The following BTBD9 variants were observed in gnomAD, a reference collection of about 807,000 sequenced individuals.
BTBD9 encodes BTB/POZ domain-containing protein 9.
In BTBD9, 49 loss-of-function variants were observed where a neutral mutation model predicts 64.3. That is an observed-to-expected ratio of 0.76 (90% CI 0.61 to 0.97). The LOEUF is 0.97. Among genes scored for constraint, BTBD9 ranks in the 50% least tolerant of loss-of-function variants. BTBD9 has a pLI of 0.00. For synonymous variants in BTBD9, 260 were observed against 274.7 expected (o/e 0.95, Z 0.53); for missense variants, 598 against 762.1 (o/e 0.78, Z 2.53).
At chr6:38,594,992 C>A (rs778537361) in intron 2 of BTBD9, among the ~76,000 whole-genome samples, 9 of 152,154 alleles carry the variant, frequency 5.9e-5, no homozygotes, top group Non-Finnish European at 1.3e-4. Flanking sequence ...GAATGTCCAT[C>A]AGCAGCAACA....
At chr6:38,210,616 G>A (rs1000227362) in intron 9 of BTBD9, among the ~76,000 whole-genome samples, 22 of 151,902 alleles carry the variant, frequency 1.4e-4, no homozygotes, top group Admixed American at 7.2e-4. Context: ...TACAGAAAGA[G>A]GAGACGCCTA....
chr6:38,337,787 T>C (rs1763952097), intron 7 of BTBD9, among the ~76,000 whole-genome samples: 1 of 152,188 alleles, frequency 6.6e-6, no homozygotes, highest in African/African-American at 2.4e-5. Context: ...CCTTCCCTTG[T>C]CCTACACTGG....
intron 6 of BTBD9, among the ~76,000 whole-genome samples, chr6:38,425,959 A>AACAAAAGCAAGCCCAGACCAGAAGCT (rs1768128748): frequency 1.1e-5 from 1 of 89,244 alleles, no homozygotes; most frequent in Non-Finnish European, 2.6e-5. Context: ...CACACACACA[A>AACAAAAGCAAGCCCAGACCAGAAGCT]ACAAAAGCAA....
At chr6:38,395,277 A>T (rs11969412) in intron 6 of BTBD9, among the ~76,000 whole-genome samples, 4,513 of 152,114 alleles carry the variant, frequency 0.03, 227 homozygotes, top group African/African-American at 0.099. Context: ...CAAAAAAAAA[A>T]TTTTTTTAAT....
intron 9 of BTBD9, among the ~76,000 whole-genome samples, chr6:38,208,846 A>C (rs1486975192): frequency 1.3e-5 from 2 of 152,136 alleles, no homozygotes; most frequent in African/African-American, 4.8e-5. Flanking sequence ...CTTAGGAAAA[A>C]TGGGGCCAAG....
At chr6:38,276,637 C>T (rs377234572) in intron 8 of BTBD9, among the ~76,000 whole-genome samples, 18 of 152,064 alleles carry the variant, frequency 1.2e-4, no homozygotes, top group African/African-American at 3.6e-4. Context: ...TCAAATGTCC[C>T]GAAAGTCAGG....
intron 6 of BTBD9, among the ~76,000 whole-genome samples, chr6:38,362,706 T>C (rs539027205): frequency 2.6e-5 from 4 of 152,332 alleles, no homozygotes; most frequent in East Asian, 1.9e-4. Flanking sequence ...CATTACGATG[T>C]ACAGTGGCAG....
At chr6:38,176,501 C>T (rs1210930096) in intron 10 of BTBD9, among the ~76,000 whole-genome samples, 1 of 152,174 alleles carries the variant, frequency 6.6e-6, no homozygotes, top group Non-Finnish European at 1.5e-5. Context: ...GCACGGTCCT[C>T]GCCTCCTGCA....
intron 6 of BTBD9, among the ~76,000 whole-genome samples, chr6:38,441,341 G>GTT (rs2127314944): frequency 6.6e-6 from 1 of 152,230 alleles, no homozygotes; most frequent in African/African-American, 2.4e-5. Context: ...TGGGGAGGTG[G>GTT]TTGCAGGAGA....
intron 6 of BTBD9, among the ~76,000 whole-genome samples, chr6:38,495,993 T>TA: frequency 6.6e-6 from 1 of 152,314 alleles, no homozygotes; most frequent in Admixed American, 6.5e-5. Flanking sequence ...ATGTGTCATC[T>TA]AAAAAAGCAT....
At chr6:38,247,268 T>C (rs1302115554) in intron 9 of BTBD9, among the ~76,000 whole-genome samples, 1 of 152,222 alleles carries the variant, frequency 6.6e-6, no homozygotes, top group Non-Finnish European at 1.5e-5. Flanking sequence ...CCACCTTTAA[T>C]TTATCCTGTT....
At chr6:38,330,757 G>C (rs1562034469) in intron 7 of BTBD9, among the ~76,000 whole-genome samples, 1 of 152,120 alleles carries the variant, frequency 6.6e-6, no homozygotes, top group Non-Finnish European at 1.5e-5. Flanking sequence ...ATAAATCTAT[G>C]ATATATCTAT....
intron 6 of BTBD9, among the ~76,000 whole-genome samples, chr6:38,490,537 C>A (rs1350134379): frequency 6.6e-6 from 1 of 152,092 alleles, no homozygotes; most frequent in Non-Finnish European, 1.5e-5. Context: ...CCAGGCTGAT[C>A]TCGAACTCCT....
chr6:38,467,786 T>C (rs1770464651), intron 6 of BTBD9, among the ~76,000 whole-genome samples: 1 of 152,192 alleles, frequency 6.6e-6, no homozygotes, highest in African/African-American at 2.4e-5. Flanking sequence ...AGCTTAAAAA[T>C]TTCATCATGT....
At chr6:38,574,708 A>G (rs1775947837) in intron 6 of BTBD9, among the ~76,000 whole-genome samples, 1 of 152,204 alleles carries the variant, frequency 6.6e-6, no homozygotes, top group Non-Finnish European at 1.5e-5. Context: ...CCTATTCTTT[A>G]TGGATGCAGA....
intron 6 of BTBD9, among the ~76,000 whole-genome samples, chr6:38,450,951 G>A (rs961683601): frequency 3.3e-5 from 5 of 152,092 alleles, no homozygotes; most frequent in Admixed American, 6.5e-5. Context: ...TAGTTTCCCT[G>A]CTTTCATCAC....
chr6:38,431,939 T>C (rs553403197), intron 6 of BTBD9, among the ~76,000 whole-genome samples: 1 of 152,074 alleles, frequency 6.6e-6, no homozygotes, highest in Admixed American at 6.5e-5. Flanking sequence ...AATTCATGTG[T>C]TGGAAATCTG....
intron 9 of BTBD9, among the ~76,000 whole-genome samples, chr6:38,204,241 A>C (rs747677011): frequency 1.3e-5 from 2 of 151,044 alleles, no homozygotes; most frequent in Non-Finnish European, 3.0e-5. Context: ...AAGAAAAATG[A>C]AAACACATGT....
At chr6:38,185,332 T>C (rs1294356782) in intron 10 of BTBD9, among the ~76,000 whole-genome samples, 1 of 152,126 alleles carries the variant, frequency 6.6e-6, no homozygotes, top group Non-Finnish European at 1.5e-5. Flanking sequence ...CTGCCTCAGT[T>C]TCTCCCCAAG....
Sources: allele counts gnomAD v4.1 joint callset (sites outside exome capture counted in the v4.1 genomes callset), GRCh38; gene constraint gnomAD v4.1.1; transcripts MANE v1.5; gene names NCBI Gene and HGNC (gene_info 2026-07-23, HGNC 2026-07-21).